CPT1A: variants seen among roughly 807,000 people sequenced by gnomAD.
The protein encoded by CPT1A is carnitine palmitoyltransferase 1A.
CPT1A carries 64 observed loss-of-function variants against 100.8 expected under a neutral mutation model. The observed-to-expected ratio is 0.63, with a 90% CI of 0.52 to 0.78. The LOEUF (loss-of-function observed/expected upper bound fraction) is 0.78, where lower values mean the gene tolerates loss of function less well. Among genes scored for constraint, CPT1A ranks in the 30% least tolerant of loss-of-function variants. The pLI is 0.00. For synonymous variants in CPT1A, 363 were observed against 396.0 expected (o/e 0.92, Z 0.99); for missense variants, 802 against 1,034.1 (o/e 0.78, Z 3.08).
At chr11:68,773,642 C>G in intron 13 of CPT1A, 2 of 721,856 alleles carry the variant, frequency 2.8e-6, no homozygotes, top group Non-Finnish European at 2.2e-6. Flanking sequence ...GGTAGCGGGT[C>G]TGACATGAGC....
intron 1 of CPT1A, among the ~76,000 whole-genome samples, chr11:68,816,999 G>A (rs1856430583): frequency 1.7e-5 from 2 of 114,862 alleles, no homozygotes; most frequent in Non-Finnish European, 3.5e-5. Context: ...GGGTGTGTGT[G>A]TGGTATGTGT....
chr11:68,760,562 G>A lies in CPT1A; in HGVS notation c.2029-224C>T, dbSNP rs551767184. ...CAGGGAGTGCAGGGTGGGGGTGGGG[G>A]CATACCAGCAAATAGCATCTCAGAC... On this transcript the variant is annotated intron_variant, in intron 16 of 18. Transcript: ENST00000265641. 1.1e-4 allele frequency among the ~76,000 whole-genome samples: 17 copies of A among 152,228 alleles called. No individual in the cohort carries two copies. The South Asian group carries it at 2.9e-3, about 26-fold the overall frequency.
At position 68,788,567 on chromosome 11, in the gene CPT1A, C is replaced by G. The variant is rs112549259; in HGVS notation, c.968-3557G>C. Among the ~76,000 whole-genome samples the G allele has an allele frequency of 4.2e-3, 617 of 145,498 alleles. 1 individual carries two copies. The highest frequency in any genetic ancestry group is 0.015 in the African/African-American group (587 of 39,588). ...TGAGCCAAGATTGCACCACTGCACT[C>G]CAGCCTCGGCAACAGAGTGAGACTC... On this transcript the variant is annotated intron_variant, in intron 9 of 18. Coordinates refer to ENST00000265641, the MANE Select transcript of CPT1A (RefSeq NM_001876.4).
At chr11:68,783,854 A>G (rs1855381770) in intron 10 of CPT1A, among the ~76,000 whole-genome samples, 1 of 152,166 alleles carries the variant, frequency 6.6e-6, no homozygotes, top group Non-Finnish European at 1.5e-5. Context: ...GAGAAAACCA[A>G]GCTCGGGCTG....
downstream of CPT1A, chr11:68,754,656 T>C: frequency 1.6e-6 from 1 of 638,126 alleles, no homozygotes; most frequent in Non-Finnish European, 2.9e-6. Flanking sequence ...CTTTTATGTG[T>C]CAGGCACTGT....
intron 1 of CPT1A, among the ~76,000 whole-genome samples, chr11:68,838,185 A>T (rs374182120): frequency 1.6e-3 from 242 of 152,174 alleles, no homozygotes; most frequent in South Asian, 3.7e-3. Flanking sequence ...CACACCCTGG[A>T]GAGGGCACGC....
intron 14 of CPT1A, among the ~76,000 whole-genome samples, chr11:68,766,530 T>C (rs1594321036): frequency 1.3e-5 from 2 of 152,190 alleles, no homozygotes; most frequent in East Asian, 1.9e-4. Context: ...CTATCGCCCA[T>C]GCCGGAGTGC....
At chr11:68,830,112 G>A (rs1333056552) in intron 1 of CPT1A, among the ~76,000 whole-genome samples, 1 of 152,048 alleles carries the variant, frequency 6.6e-6, no homozygotes, top group African/African-American at 2.4e-5. Flanking sequence ...CTCCTTCTCT[G>A]CCAAAAATAC....
At chr11:68,807,982 T>C (rs1393249142) in intron 3 of CPT1A, among the ~76,000 whole-genome samples, 4 of 152,296 alleles carry the variant, frequency 2.6e-5, no homozygotes, top group Non-Finnish European at 2.9e-5. Flanking sequence ...AAGATACAGC[T>C]TCCTCCAGGA....
intron 1 of CPT1A, among the ~76,000 whole-genome samples, chr11:68,836,564 G>A (rs942060481): frequency 4.6e-5 from 7 of 152,224 alleles, no homozygotes; most frequent in African/African-American, 1.7e-4. Flanking sequence ...CCTGAGGTCA[G>A]GAATTCAAGA....
chr11:68,817,153 C>G (rs112294900), intron 1 of CPT1A, among the ~76,000 whole-genome samples: 18 of 93,440 alleles, frequency 1.9e-4, no homozygotes, highest in South Asian at 3.6e-4. Context: ...GTGTGTGTGT[C>G]TGTGTGTGTG....
At position 68,756,205 on chromosome 11, in the gene CPT1A, G is replaced by A. The variant is rs1946691524; in HGVS notation, c.*1439C>T. 6.6e-6 allele frequency: 1 copy of A among 151,830 alleles called. No homozygotes were observed. Among genetic ancestry groups the A allele is most frequent in the African/African-American group, 2.4e-5 (1 of 41,328 alleles). 9.4% of individuals were successfully genotyped at this position (151,830 alleles called of 1,614,324 possible). A position where few individuals can be genotyped will look rare whatever the true frequency, so the allele number is the denominator to read the frequency against. ...GCCATCGCTGTTGTACTATCGGGGTGCAGCACTCTGAAGGAGTCAGGCCCA... is the reference window on the plus strand; with the variant it reads ...GCCATCGCTGTTGTACTATCGGGGTACAGCACTCTGAAGGAGTCAGGCCCA... On this transcript the variant is annotated 3_prime_UTR_variant, in exon 19 of 19. Transcript: ENST00000265641.
chr11:68,842,151 G>T (rs1857175864), upstream of CPT1A, among the ~76,000 whole-genome samples: 1 of 152,186 alleles, frequency 6.6e-6, no homozygotes, highest in Non-Finnish European at 1.5e-5. Flanking sequence ...TGGAGGCCGT[G>T]CGCATAAAAT....
chr11:68,782,001 C>T (rs1241901231), intron 10 of CPT1A, 42 bp from the exon 11 acceptor site: 1 of 1,552,234 alleles, frequency 6.4e-7, no homozygotes, highest in Admixed American at 1.7e-5. Flanking sequence ...GCCCGACCTG[C>T]AGCGATGGAG....
intron 9 of CPT1A, among the ~76,000 whole-genome samples, chr11:68,789,442 G>T (rs11228354): frequency 0.13 from 19,297 of 151,980 alleles, 1,353 homozygotes; most frequent in African/African-American, 0.19. Context: ...TGTCACCCAG[G>T]CTGGAGTGCA....
chr11:68,797,806 C>T (rs1381780360), intron 6 of CPT1A, among the ~76,000 whole-genome samples: 2 of 152,024 alleles, frequency 1.3e-5, no homozygotes, highest in East Asian at 1.9e-4. Flanking sequence ...GATGAAACCC[C>T]GTCTGTACTA....
intron 4 of CPT1A, among the ~76,000 whole-genome samples, chr11:68,806,018 A>AT (rs539379303): frequency 0.027 from 3,708 of 139,206 alleles, 123 homozygotes; most frequent in African/African-American, 0.077. Flanking sequence ...AAGCCCATAA[A>AT]TTTTTTTTTT....
intron 1 of CPT1A, among the ~76,000 whole-genome samples, chr11:68,831,548 G>C (rs1035426453): frequency 6.6e-6 from 1 of 152,080 alleles, no homozygotes; most frequent in Non-Finnish European, 1.5e-5. Flanking sequence ...CACGTATGGA[G>C]ATACTAATAG....
chr11:68,794,499 C>T (rs975669826), intron 8 of CPT1A, among the ~76,000 whole-genome samples: 1 of 152,198 alleles, frequency 6.6e-6, no homozygotes, highest in African/African-American at 2.4e-5. Flanking sequence ...CAACCTCCAC[C>T]TCCTGGGTTC....
Sources: gnomAD v4.1 joint callset for allele counts (sites outside exome capture counted in the v4.1 genomes callset) on GRCh38, gnomAD v4.1.1 for gene constraint, MANE v1.5 for transcripts, NCBI Gene and HGNC (gene_info 2026-07-23, HGNC 2026-07-21) for gene names.